Variants in HAVCR1 observed in about 807,000 individuals in gnomAD.
HAVCR1 encodes T cell immunoglobin domain and mucin domain protein 1.
Under a neutral mutation model 32.0 loss-of-function variants are expected in HAVCR1, and 34 were observed. That is an observed-to-expected ratio of 1.06 (90% confidence interval 0.81 to 1.42). The LOEUF is 1.42. Ranked by LOEUF, HAVCR1 falls within the 40% of genes most tolerant of loss-of-function variation. The pLI is 0.00. For synonymous variants in HAVCR1, 178 were observed against 170.3 expected (o/e 1.05, Z -0.35); for missense variants, 420 against 442.3 (o/e 0.95, Z 0.45).
chr5:157,058,176 C>A, intron 1 of HAVCR1: 1 of 487,900 alleles, frequency 2.0e-6, no homozygotes. Flanking sequence ...GGAAAGCTGT[C>A]CACAGAAACA....
rs375393335 is a variant in HAVCR1 at position 157,037,299 on chromosome 5, G to A, written c.900C>T (p.Val300=). Residue 300 remains valine, a synonymous_variant, in exon 7 of 9, where the codon GTC becomes GTT. Coordinates refer to ENST00000523175, the MANE Select transcript of HAVCR1 (RefSeq NM_001173393.3). ...CAAGAAGCACCAAGACAGAAATACA[G>A]ACTCCAGCATAGATTCCTTTAGTGG... ...ANTTKGIYAG[V]CISVLVLLAL... 1 of 1,608,012 alleles carries A rather than the reference G, an allele frequency of 6.2e-7. No individual in the cohort carries two copies. The highest frequency in any genetic ancestry group is 8.5e-7 in the Non-Finnish European group (1 of 1,174,462).
At chr5:157,064,871 A>C in the HAVCR1 span, among the ~76,000 whole-genome samples, 1 of 152,148 alleles carries the variant, frequency 6.6e-6, no homozygotes, top group Non-Finnish European at 1.5e-5. Flanking sequence ...CCATCTCAAA[A>C]AAAACAAAAA....
At chr5:157,068,844 C>G in the HAVCR1 span, among the ~76,000 whole-genome samples, 3 of 152,100 alleles carry the variant, frequency 2.0e-5, no homozygotes, top group Non-Finnish European at 4.4e-5. Flanking sequence ...TTCCTGGGCT[C>G]AAGCAATCCC....
Position 157,037,742 on chromosome 5 carries a change from G to A in HAVCR1, c.838-381C>T, listed in dbSNP as rs527944068. Among the ~76,000 whole-genome samples the A allele has an allele frequency of 2.3e-3, 357 of 152,258 alleles. 3 individuals are homozygous for A. Among genetic ancestry groups the A allele is most frequent in the African/African-American group, 8.4e-3 (347 of 41,544 alleles). On this transcript the variant is annotated intron_variant, in intron 6 of 8. Coordinates refer to ENST00000523175, the MANE Select transcript of HAVCR1 (RefSeq NM_001173393.3). ...CTTGTGATATTAAAAAAGAAAAAAT[G>A]TCAGGCATGGTAGCTCACATCTCTA...
chr5:157,056,107 G>A (rs1206546307), intron 2 of HAVCR1, among the ~76,000 whole-genome samples: 1 of 151,342 alleles, frequency 6.6e-6, no homozygotes, highest in African/African-American at 2.4e-5. Context: ...ATGCCACCAC[G>A]CCCGGCTAAT....
chr5:157,067,673 C>T, the HAVCR1 span, among the ~76,000 whole-genome samples: 2 of 151,502 alleles, frequency 1.3e-5, no homozygotes, highest in Admixed American at 1.3e-4. Flanking sequence ...TTCTCTCTCT[C>T]TCTCTTTTTC....
chr5:157,045,155 AATAAT>A (rs1755310337), intron 5 of HAVCR1, among the ~76,000 whole-genome samples: 1 of 152,330 alleles, frequency 6.6e-6, no homozygotes, highest in East Asian at 1.9e-4. Flanking sequence ...AACAGCAATA[AATAAT>A]ATAATAGAAA....
chr5:157,063,436 T>A (rs895554566), upstream of HAVCR1, among the ~76,000 whole-genome samples: 9 of 151,808 alleles, frequency 5.9e-5, no homozygotes, highest in Non-Finnish European at 1.2e-4. Flanking sequence ...CAGGCATGCA[T>A]CACCACACCG....
At chr5:157,044,464 AAAGAAAGGAAGG>A (rs1344806804) in intron 5 of HAVCR1, among the ~76,000 whole-genome samples, 28 of 77,290 alleles carry the variant, frequency 3.6e-4, no homozygotes, top group Non-Finnish European at 6.1e-4. Context: ...AGAAAGAAAG[AAAGAAAGGAAGG>A]AAGGAAGGAA....
intron 6 of HAVCR1, among the ~76,000 whole-genome samples, chr5:157,040,654 T>C (rs79224155): frequency 2.6e-3 from 393 of 152,292 alleles, no homozygotes; most frequent in African/African-American, 9.0e-3. Context: ...ATCCCAGCAC[T>C]TGTGGGAGGC....
intron 4 of HAVCR1, among the ~76,000 whole-genome samples, chr5:157,049,531 T>C (rs992156971): frequency 1.3e-5 from 2 of 152,246 alleles, no homozygotes; most frequent in African/African-American, 4.8e-5. Context: ...TTTATTTTAT[T>C]CATACAAGTG....
chr5:157,046,745 G>A (rs1755419719), intron 5 of HAVCR1, among the ~76,000 whole-genome samples: 1 of 152,100 alleles, frequency 6.6e-6, no homozygotes, highest in African/African-American at 2.4e-5. Context: ...TTATATGGGG[G>A]AAGGGTCAAA....
Position 157,052,555 on chromosome 5 carries a change from GTC to G in HAVCR1, c.477_478del (p.Thr160CysfsTer63). On this transcript the variant is annotated frameshift_variant, in exon 4 of 9. Transcript: ENST00000523175. LOFTEE classifies it high-confidence loss of function. ...TGTTGGAACAGTTGTCGTTGGAACA[GTC>G]GTCATTGGAACAGTCGTTGTCGTTG... 3.9e-5 allele frequency: 9 copies of G among 231,438 alleles called. No individual in the cohort carries two copies. Among genetic ancestry groups the G allele is most frequent in the Non-Finnish European group, 5.2e-5 (9 of 173,358 alleles). 14.3% of individuals were successfully genotyped at this position (231,438 alleles called of 1,614,324 possible).
chr5:157,046,854 A>G (rs1755428298), intron 5 of HAVCR1, among the ~76,000 whole-genome samples: 1 of 152,122 alleles, frequency 6.6e-6, no homozygotes, highest in African/African-American at 2.4e-5. Flanking sequence ...CATTGATTCC[A>G]TTCATGAAGG....
At position 157,049,106 on chromosome 5, in the gene HAVCR1, T is replaced by C. The variant is rs1755592335; in HGVS notation, c.713A>G (p.His238Arg). 6.2e-7 allele frequency: 1 copy of C among 1,612,836 alleles called. No homozygotes were observed. The highest frequency in any genetic ancestry group is 1.1e-5 in the South Asian group (1 of 91,060). Residue 238 changes from histidine (H) to arginine (R), a missense_variant, in exon 5 of 9, where the codon CAC (histidine) becomes CGC (arginine). Physicochemically the swap from His to Arg is conservative, Grantham distance 29. Coordinates refer to ENST00000523175, the MANE Select transcript of HAVCR1 (RefSeq NM_001173393.3). ...TATTGCTCCCTGCAGTGTCGTAGGG[T>C]GGGTTTCTGCTGGCTGAGGTGAAGA... ...SPSSPQPAET[H>R]PTTLQGAIRR...
chr5:157,029,479 TGA>T lies in HAVCR1; in HGVS notation c.*252_*253del. The T allele has an allele frequency of 1.3e-6, 1 of 765,088 alleles. No homozygotes were observed. The highest frequency in any genetic ancestry group is 2.1e-6 in the Non-Finnish European group (1 of 472,178). The allele number at this position is 765,088 out of a possible 1,614,324, so 47.4% of individuals were successfully genotyped here. On this transcript the variant is annotated 3_prime_UTR_variant, in exon 9 of 9. Transcript: ENST00000523175. ...CATACAATTATAAAGTGTTCATATT[TGA>T]GAGAAAACTGCAATGATCAGAAGGA...
intron 2 of HAVCR1, among the ~76,000 whole-genome samples, chr5:157,057,241 A>G (rs1581732296): frequency 6.6e-6 from 1 of 151,502 alleles, no homozygotes. Flanking sequence ...GCTTGAACCC[A>G]GGAGGCGGAG....
intron 7 of HAVCR1, among the ~76,000 whole-genome samples, chr5:157,035,694 A>G (rs1465815139): frequency 3.3e-5 from 5 of 152,118 alleles, no homozygotes; most frequent in African/African-American, 1.2e-4. Flanking sequence ...TGACTTCCAG[A>G]TCGCAACACT....
rs774273668 is a variant in HAVCR1 at position 157,052,468 on chromosome 5, C to T, written c.566G>A (p.Ser189Asn). ...LTTMTVSTTT[S>N]VPTTTSIPTT... Reference sequence around the variant, plus strand: ...TGGAATGCTCGTTGTCGTTGGAACGCTCGTTGTCGTTGAAACAGTCATTGT... The same window carrying T: ...TGGAATGCTCGTTGTCGTTGGAACGTTCGTTGTCGTTGAAACAGTCATTGT... Residue 189 changes from serine to asparagine, a missense_variant, in exon 4 of 9, where the codon AGC (serine) becomes AAC (asparagine). Physicochemically the swap from Ser to Asn is conservative, Grantham distance 46. Coordinates refer to ENST00000523175, the MANE Select transcript of HAVCR1 (RefSeq NM_001173393.3). 24 of 1,604,282 alleles carry T rather than the reference C, an allele frequency of 1.5e-5. No individual in the cohort carries two copies. The Admixed American group carries it at 3.4e-4, about 23-fold the overall frequency.
Sources: allele counts gnomAD v4.1 joint callset (sites outside exome capture counted in the v4.1 genomes callset), GRCh38; gene constraint gnomAD v4.1.1; transcripts MANE v1.5; gene names NCBI Gene and HGNC (gene_info 2026-07-23, HGNC 2026-07-21).